The following ITGAE variants were observed in gnomAD, a reference collection of about 807,000 sequenced individuals.
The protein encoded by ITGAE is integrin subunit alpha E.
A neutral mutation model predicts 136.5 loss-of-function variants in ITGAE; 99 were observed. The ratio of observed to expected loss-of-function variants is 0.73; its 90% CI spans 0.62 to 0.86. ITGAE has a LOEUF of 0.86. Among genes scored for constraint, ITGAE ranks in the 40% least tolerant of loss-of-function variants. The pLI, the probability that ITGAE is intolerant of heterozygous loss-of-function variation, is 0.00. For missense variants in ITGAE, 1,447 were observed against 1,515.3 expected (o/e 0.95, Z 0.75); for synonymous variants, 613 against 591.8 (o/e 1.04, Z -0.52).
chr17:3,756,950 C>A, intron 10 of ITGAE, 34 bp downstream of exon 10: 1 of 1,587,070 alleles, frequency 6.3e-7, no homozygotes, highest in East Asian at 2.2e-5. Context: ...TAGGCTCGGG[C>A]CTCCTGCGGT....
At chr17:3,719,235 C>CAAAAAAAAAAA (rs746282209) in intron 29 of ITGAE, among the ~76,000 whole-genome samples, 6 of 66,214 alleles carry the variant, frequency 9.1e-5, no homozygotes, top group African/African-American at 1.7e-4. Flanking sequence ...GATTCTTCCT[C>CAAAAAAAAAAA]AAAAAAAAAA....
Position 3,731,157 on chromosome 17 carries a change from T to C in ITGAE, c.2781A>G (p.Leu927=), listed in dbSNP as rs1293343660. ...TCCTGTTTGGAAAGGCATTCTCCTC[T>C]AGCTGCCAAACGACTGAAACATGAG... The part of the protein sequence containing the change: ...SSAHVSVVWQ[L]EENAFPNRTA... The change falls in exon 23 of 31, where the codon CTA becomes CTG. Residue 927 remains leucine, a synonymous_variant. Transcript: ENST00000263087. The C allele has an allele frequency of 1.9e-6, 3 of 1,613,648 alleles. No individual in the cohort carries two copies. The highest frequency in any genetic ancestry group is 2.2e-5 in the South Asian group (2 of 91,062).
intron 26 of ITGAE, chr17:3,724,202 G>C: frequency 6.3e-7 from 1 of 1,593,244 alleles, no homozygotes; most frequent in Middle Eastern, 1.7e-4. Context: ...GAGTGCCCAA[G>C]GACCGGCCCA....
chr17:3,755,012 C>G, intron 12 of ITGAE, 105 bp downstream of exon 12: 1 of 1,325,804 alleles, frequency 7.5e-7, no homozygotes, highest in Non-Finnish European at 9.9e-7. Flanking sequence ...CCAGGTAGGC[C>G]CCGCCCTCGC....
chr17:3,761,378 A>C (rs752530032), intron 5 of ITGAE, 25 bp downstream of exon 5: 8 of 1,597,916 alleles, frequency 5.0e-6, no homozygotes, highest in African/African-American at 2.7e-5. Flanking sequence ...GAGCTATCCA[A>C]GGCCAGTGAA....
chr17:3,752,541 A>T (rs2051897050), intron 14 of ITGAE, among the ~76,000 whole-genome samples: 1 of 152,194 alleles, frequency 6.6e-6, no homozygotes, highest in African/African-American at 2.4e-5. Flanking sequence ...GGATCACCTG[A>T]GGTCAGGAGT....
intron 1 of ITGAE, among the ~76,000 whole-genome samples, chr17:3,785,549 A>AGGAAGGAAGGACGGAC (rs1567557277): frequency 7.4e-5 from 11 of 149,406 alleles, no homozygotes; most frequent in African/African-American, 2.8e-4. Context: ...GAAGGAAGGA[A>AGGAAGGAAGGACGGAC]GGAAGGAAAA....
At chr17:3,758,814 CG>C (rs1007849196) in intron 8 of ITGAE, among the ~76,000 whole-genome samples, 5 of 151,644 alleles carry the variant, frequency 3.3e-5, no homozygotes, top group African/African-American at 1.2e-4. Context: ...TCAGTTTGCC[CG>C]GGGTCACACA....
At chr17:3,715,851 C>G (rs1355728374) in intron 30 of ITGAE, among the ~76,000 whole-genome samples, 1 of 151,668 alleles carries the variant, frequency 6.6e-6, no homozygotes, top group Non-Finnish European at 1.5e-5. Flanking sequence ...GGACAAAGAC[C>G]CTGGTGTTTA....
chr17:3,772,656 G>C (rs935660877), intron 2 of ITGAE, among the ~76,000 whole-genome samples: 1 of 152,048 alleles, frequency 6.6e-6, no homozygotes, highest in African/African-American at 2.4e-5. Context: ...TAGGGACAAG[G>C]CTTCAGCATA....
At chr17:3,788,005 T>C (rs557528246) in intron 1 of ITGAE, among the ~76,000 whole-genome samples, 1 of 152,092 alleles carries the variant, frequency 6.6e-6, no homozygotes, top group East Asian at 1.9e-4. Context: ...TGCCTTTCTC[T>C]GACGTCTGAA....
Position 3,761,923 on chromosome 17 carries a change from C to T in ITGAE, c.307G>A (p.Gly103Ser), listed in dbSNP as rs1245613648. 5.0e-6 allele frequency: 8 copies of T among 1,613,784 alleles called. No individual in the cohort carries two copies. Among genetic ancestry groups the T allele is most frequent in the African/African-American group, 4.0e-5 (3 of 74,930 alleles). Reference sequence around the variant, plus strand: ...CTCGCTCCTGCACTCACCAAAACACCGTGGTGGCTCCGGACAACGGTCACT... The same window carrying T: ...CTCGCTCCTGCACTCACCAAAACACTGTGGTGGCTCCGGACAACGGTCACT... The part of the protein sequence containing the change: ...RGVTVVRSHH[G>S]VLICIQVLVR... The change falls in exon 4 of 31, where the codon GGT becomes AGT. Residue 103 changes from glycine to serine, a missense_variant. Physicochemically the swap from Gly to Ser is moderately conservative, Grantham distance 56. Coordinates refer to ENST00000263087, the MANE Select transcript of ITGAE (RefSeq NM_002208.5).
chr17:3,736,934 A>G (rs1462678968), intron 20 of ITGAE, among the ~76,000 whole-genome samples: 4 of 151,938 alleles, frequency 2.6e-5, no homozygotes, highest in African/African-American at 7.3e-5. Flanking sequence ...CTGGAGGGAG[A>G]GACAGGAAGC....
intron 6 of ITGAE, among the ~76,000 whole-genome samples, 187 bp from the exon 7 acceptor site, chr17:3,760,474 C>T (rs1263305476): frequency 8.5e-6 from 1 of 117,646 alleles, no homozygotes; most frequent in East Asian, 2.7e-4. Flanking sequence ...GAGCTTCACT[C>T]TGTTGCCCAG....
intron 8 of ITGAE, 133 bp from the exon 9 acceptor site, chr17:3,757,992 G>GCATCACCCCCTTCTC: frequency 3.8e-6 from 4 of 1,061,700 alleles, no homozygotes; most frequent in Non-Finnish European, 5.5e-6. Context: ...AGAGAAGGGG[G>GCATCACCCCCTTCTC]TGATGCCCCC....
rs71153402 is a variant in ITGAE at position 3,785,496 on chromosome 17, GAGGAAGGAAGGAAGGAAGGAAGGA to G, written c.35-7860_35-7837del. 2.7e-3 allele frequency among the ~76,000 whole-genome samples: 294 copies of G among 107,808 alleles called. 2 individuals are homozygous for G. The highest frequency in any genetic ancestry group is 9.3e-3 in the African/African-American group (270 of 28,894). 70.7% of individuals were successfully genotyped at this position (107,808 alleles called of 152,430 possible). On this transcript the variant is annotated intron_variant, in intron 1 of 30. Coordinates refer to ENST00000263087, the MANE Select transcript of ITGAE (RefSeq NM_002208.5). The stretch of plus-strand genomic sequence containing the variant: ...GAAAGAAAGGAAGGAAGGAAGGAAG[GAGGAAGGAAGGAAGGAAGGAAGGA>G]AGGAAGGAAGGAAGGAAGGAAGGAA...
intron 1 of ITGAE, among the ~76,000 whole-genome samples, chr17:3,788,429 A>G (rs1415447952): frequency 6.9e-6 from 1 of 145,240 alleles, no homozygotes; most frequent in Non-Finnish European, 1.5e-5. Flanking sequence ...AGCTGGGACT[A>G]TAGGCCTGTG....
intron 2 of ITGAE, 32 bp downstream of exon 2, chr17:3,777,508 C>G: frequency 6.3e-7 from 1 of 1,584,276 alleles, no homozygotes. Context: ...GCCCCTCAGT[C>G]TGAAGGCCTC....
intron 21 of ITGAE, among the ~76,000 whole-genome samples, chr17:3,734,227 C>T (rs554359777): frequency 7.6e-5 from 7 of 92,064 alleles, no homozygotes; most frequent in Admixed American, 3.5e-4. Flanking sequence ...CCCGCCATCG[C>T]GCCCAGCTAA....
Sources: allele counts gnomAD v4.1 joint callset (sites outside exome capture counted in the v4.1 genomes callset), GRCh38; gene constraint gnomAD v4.1.1; transcripts MANE v1.5; gene names NCBI Gene and HGNC (gene_info 2026-07-23, HGNC 2026-07-21).